Variants in QTMAN observed in about 807,000 individuals in gnomAD.
The protein encoded by QTMAN is queuosine-tRNA mannosyltransferase.
At chr2:144,292,033 G>A in the QTMAN span, among the ~76,000 whole-genome samples, 1 of 152,086 alleles carries the variant, frequency 6.6e-6, no homozygotes, top group Admixed American at 6.6e-5. Context: ...CAAGACCTTG[G>A]GCAAGTCATT....
chr2:144,211,773 C>G, the QTMAN span, among the ~76,000 whole-genome samples: 1 of 151,762 alleles, frequency 6.6e-6, no homozygotes, highest in Non-Finnish European at 1.5e-5. Flanking sequence ...AAAAAAAAAC[C>G]ACTTCACTGC....
the QTMAN span, among the ~76,000 whole-genome samples, chr2:144,090,812 A>G: frequency 6.6e-6 from 1 of 152,134 alleles, no homozygotes; most frequent in East Asian, 1.9e-4. Context: ...TCAAAATCTC[A>G]GAGGGCTTTT....
chr2:144,227,392 T>C, the QTMAN span, among the ~76,000 whole-genome samples: 1 of 152,124 alleles, frequency 6.6e-6, no homozygotes, highest in Non-Finnish European at 1.5e-5. Context: ...TCAAAACAAC[T>C]TGGACATTAT....
chr2:144,036,433 A>AT, the QTMAN span, among the ~76,000 whole-genome samples: 8 of 152,184 alleles, frequency 5.3e-5, no homozygotes, highest in Admixed American at 1.3e-4. Flanking sequence ...GAGAACTAAT[A>AT]TTTTTTGTCT....
the QTMAN span, among the ~76,000 whole-genome samples, chr2:143,962,666 A>G: frequency 1.3e-5 from 2 of 152,164 alleles, no homozygotes; most frequent in African/African-American, 2.4e-5. Context: ...ACTGGAAAAG[A>G]GCCAACAGAA....
chr2:144,135,492 T>G, the QTMAN span, among the ~76,000 whole-genome samples: 2 of 152,198 alleles, frequency 1.3e-5, no homozygotes, highest in Non-Finnish European at 2.9e-5. Flanking sequence ...CTATTCTGCT[T>G]CTTTAGGACC....
chr2:144,198,032 A>C, the QTMAN span, among the ~76,000 whole-genome samples: 1 of 152,134 alleles, frequency 6.6e-6, no homozygotes, highest in Non-Finnish European at 1.5e-5. Flanking sequence ...TTCAAGGCCA[A>C]TCTGGGCAAC....
chr2:144,216,560 A>C, the QTMAN span, among the ~76,000 whole-genome samples: 1 of 152,208 alleles, frequency 6.6e-6, no homozygotes, highest in Non-Finnish European at 1.5e-5. Context: ...AGTCTAAACT[A>C]AATCAAGCAG....
At chr2:144,150,735 AT>A in the QTMAN span, among the ~76,000 whole-genome samples, 92 of 152,126 alleles carry the variant, frequency 6.0e-4, no homozygotes, top group African/African-American at 2.2e-3. Flanking sequence ...GAATGGCATT[AT>A]TTTTTCTTTT....
the QTMAN span, among the ~76,000 whole-genome samples, chr2:144,305,842 T>C: frequency 6.6e-6 from 1 of 152,246 alleles, no homozygotes; most frequent in Non-Finnish European, 1.5e-5. Flanking sequence ...GAATTCTTAA[T>C]TTCATTTTTG....
the QTMAN span, chr2:144,006,450 T>C: frequency 6.6e-6 from 1 of 152,122 alleles, no homozygotes; most frequent in African/African-American, 2.4e-5. Flanking sequence ...GTGGGGGAAG[T>C]GTACTCTAAT....
the QTMAN span, among the ~76,000 whole-genome samples, chr2:144,090,345 A>G: frequency 8.5e-5 from 13 of 152,084 alleles, no homozygotes; most frequent in Admixed American, 8.5e-4. Flanking sequence ...ATTCAACGTG[A>G]TACTAGAGGA....
the QTMAN span, among the ~76,000 whole-genome samples, chr2:144,312,852 T>G: frequency 6.6e-6 from 1 of 152,206 alleles, no homozygotes; most frequent in Admixed American, 6.5e-5. Flanking sequence ...AAGATGTGCC[T>G]ACTTCCCCTT....
chr2:144,329,670 G>C, the QTMAN span, among the ~76,000 whole-genome samples: 1 of 152,160 alleles, frequency 6.6e-6, no homozygotes, highest in African/African-American at 2.4e-5. Flanking sequence ...AAAATTAGCA[G>C]TGTGAAGTTT....
At chr2:144,118,977 C>G in the QTMAN span, among the ~76,000 whole-genome samples, 1 of 152,146 alleles carries the variant, frequency 6.6e-6, no homozygotes, top group Admixed American at 6.5e-5. Context: ...AGAACTTACT[C>G]AGGGTCTGGA....
At chr2:144,225,950 G>T in the QTMAN span, among the ~76,000 whole-genome samples, 1 of 152,144 alleles carries the variant, frequency 6.6e-6, no homozygotes, top group Non-Finnish European at 1.5e-5. Context: ...ACCCAGCAAA[G>T]TGCTTTGTAC....
At chr2:144,293,708 T>C in the QTMAN span, among the ~76,000 whole-genome samples, 1 of 152,192 alleles carries the variant, frequency 6.6e-6, no homozygotes, top group Non-Finnish European at 1.5e-5. Context: ...AATAACTAAT[T>C]ATCTCATATT....
the QTMAN span, among the ~76,000 whole-genome samples, chr2:144,123,772 C>T: frequency 6.6e-6 from 1 of 151,862 alleles, no homozygotes; most frequent in African/African-American, 2.4e-5. Context: ...GTCATAGATC[C>T]AACTAAAAGC....
the QTMAN span, chr2:144,007,401 T>A: frequency 1.1e-5 from 18 of 1,613,364 alleles, no homozygotes; most frequent in Non-Finnish European, 1.5e-5. Flanking sequence ...ACACTCTGAA[T>A]TAAAATTCTT....
Sources: gnomAD v4.1 joint callset for allele counts (sites outside exome capture counted in the v4.1 genomes callset) on GRCh38, gnomAD v4.1.1 for gene constraint, MANE v1.5 for transcripts, NCBI Gene and HGNC (gene_info 2026-07-23, HGNC 2026-07-21) for gene names.